PAQR5: variants seen among roughly 807,000 people sequenced by gnomAD.
PAQR5 encodes the protein membrane progestin receptor gamma.
In PAQR5, 20 loss-of-function variants were observed where a neutral mutation model predicts 34.5. The observed-to-expected ratio is 0.58, with a 90% CI of 0.41 to 0.84. The LOEUF (loss-of-function observed/expected upper bound fraction) is 0.84. Among genes scored for constraint, PAQR5 ranks in the 40% least tolerant of loss-of-function variants. The probability of loss-of-function intolerance (pLI) is 0.00; values close to 1 mark genes in which losing one functional copy is unlikely to be tolerated. For synonymous variants in PAQR5, 131 were observed against 155.6 expected, an observed-to-expected ratio of 0.84 and a Z score of 1.18; for missense variants, 378 against 412.7, an observed-to-expected ratio of 0.92 and a Z score of 0.73.
chr15:69,387,377 C>T (rs2056141675), intron 5 of PAQR5, among the ~76,000 whole-genome samples: 2 of 152,232 alleles, frequency 1.3e-5, no homozygotes, highest in Admixed American at 1.3e-4. Flanking sequence ...GATTCCACCA[C>T]CCCTAACTGT....
At chr15:69,349,071 T>C in intron 2 of PAQR5, among the ~76,000 whole-genome samples, 1 of 151,668 alleles carries the variant, frequency 6.6e-6, no homozygotes, top group East Asian at 1.9e-4. Context: ...CCTGGGAGGG[T>C]GTTTTCAGGG....
At chr15:69,312,888 T>A (rs188504555) in intron 1 of PAQR5, among the ~76,000 whole-genome samples, 19 of 152,288 alleles carry the variant, frequency 1.2e-4, no homozygotes, top group Admixed American at 1.1e-3. Flanking sequence ...AATGCTGGCC[T>A]AGGTCACAGT....
intron 1 of PAQR5, among the ~76,000 whole-genome samples, chr15:69,332,293 T>G (rs772718368): frequency 1.3e-5 from 2 of 152,206 alleles, no homozygotes; most frequent in African/African-American, 2.4e-5. Context: ...CAAGCCAGCT[T>G]GGCAGGCTGG....
chr15:69,303,984 A>G (rs2053660566), intron 1 of PAQR5, among the ~76,000 whole-genome samples: 2 of 152,236 alleles, frequency 1.3e-5, no homozygotes, highest in Non-Finnish European at 2.9e-5. Context: ...AGCTGGGGGA[A>G]GGACTCCAGA....
At chr15:69,319,393 T>G (rs1219184299) in intron 1 of PAQR5, among the ~76,000 whole-genome samples, 1 of 151,042 alleles carries the variant, frequency 6.6e-6, no homozygotes, top group African/African-American at 2.4e-5. Context: ...TGTGAGTGTC[T>G]TGTCTCCCAA....
At chr15:69,336,558 A>G (rs2054519200) in intron 1 of PAQR5, among the ~76,000 whole-genome samples, 2 of 152,202 alleles carry the variant, frequency 1.3e-5, no homozygotes, top group South Asian at 4.1e-4. Context: ...TCGTGTCTTT[A>G]ACTGTGGCTA....
intron 1 of PAQR5, among the ~76,000 whole-genome samples, chr15:69,301,512 C>T (rs989596290): frequency 2.6e-5 from 4 of 152,166 alleles, no homozygotes; most frequent in Non-Finnish European, 4.4e-5. Flanking sequence ...TTCATTGTCT[C>T]CTCTCTCTCC....
intron 1 of PAQR5, among the ~76,000 whole-genome samples, chr15:69,328,047 C>T (rs1007680767): frequency 6.6e-6 from 1 of 152,052 alleles, no homozygotes; most frequent in African/African-American, 2.4e-5. Flanking sequence ...TCCCAAAGTG[C>T]TGGGATTACA....
At chr15:69,301,719 C>G (rs2053607998) in intron 1 of PAQR5, among the ~76,000 whole-genome samples, 2 of 152,018 alleles carry the variant, frequency 1.3e-5, no homozygotes, top group African/African-American at 2.4e-5. Flanking sequence ...AGCCTGGCCT[C>G]CCTGGTTGGC....
At chr15:69,311,467 C>T (rs2053832957) in intron 1 of PAQR5, among the ~76,000 whole-genome samples, 1 of 152,134 alleles carries the variant, frequency 6.6e-6, no homozygotes, top group Non-Finnish European at 1.5e-5. Context: ...ATTTGTTAGT[C>T]ACAGGGCAAG....
At chr15:69,359,869 A>G in intron 2 of PAQR5, 97 bp from the exon 3 acceptor site, 1 of 535,798 alleles carries the variant, frequency 1.9e-6, no homozygotes, top group Non-Finnish European at 3.4e-6. Context: ...CATCATGTGT[A>G]GCAAGTATAT....
chr15:69,309,484 A>G (rs946772948), intron 1 of PAQR5, among the ~76,000 whole-genome samples: 2 of 152,140 alleles, frequency 1.3e-5, no homozygotes, highest in Non-Finnish European at 2.9e-5. Context: ...GTTTTTCCAA[A>G]AATGTGTCAG....
chr15:69,359,571 C>T (rs28562786), intron 2 of PAQR5, among the ~76,000 whole-genome samples: 8,186 of 152,128 alleles, frequency 0.054, 736 homozygotes, highest in African/African-American at 0.19. Context: ...TGGATTTTCG[C>T]AGTGCTTTTC....
At chr15:69,310,127 A>G (rs899473845) in intron 1 of PAQR5, among the ~76,000 whole-genome samples, 11 of 152,192 alleles carry the variant, frequency 7.2e-5, no homozygotes, top group African/African-American at 2.7e-4. Flanking sequence ...TGGATGTCAC[A>G]TAACTTATTT....
At chr15:69,350,032 A>G (rs369396108) in intron 2 of PAQR5, among the ~76,000 whole-genome samples, 10 of 152,328 alleles carry the variant, frequency 6.6e-5, no homozygotes, top group African/African-American at 2.2e-4. Flanking sequence ...TACTCATCCT[A>G]AAGAGCTCTG....
At chr15:69,387,622 G>A (rs545626374) in intron 5 of PAQR5, among the ~76,000 whole-genome samples, 1 of 152,370 alleles carries the variant, frequency 6.6e-6, no homozygotes, top group South Asian at 2.1e-4. Context: ...GGTGAGGACA[G>A]TGAGGCACTG....
chr15:69,360,856 G>A (rs1275342207), intron 3 of PAQR5, among the ~76,000 whole-genome samples: 2 of 152,206 alleles, frequency 1.3e-5, no homozygotes, highest in Non-Finnish European at 2.9e-5. Flanking sequence ...GTGACAGAGT[G>A]GAGGAGAGTT....
rs925955348 is a variant in PAQR5 at position 69,385,420 on chromosome 15, G to T, written c.385+538G>T. Among the ~76,000 whole-genome samples the T allele has an allele frequency of 1.1e-4, 16 of 152,186 alleles. No individual in the cohort carries two copies. Among genetic ancestry groups the T allele is most frequent in the Non-Finnish European group, 1.2e-4 (8 of 68,042 alleles). On this transcript the variant is annotated intron_variant, in intron 5 of 8. Coordinates refer to ENST00000395407, the MANE Select transcript of PAQR5 (RefSeq NM_017705.4). This position sits in a 1 kb window ranked among gnomAD's most constrained non-coding sequence, Gnocchi z 4.7. The stretch of plus-strand genomic sequence containing the variant: ...TGTCATGCCAGGCAAGAAGAGGAGG[G>T]TGAGGTCATGAGCCTCGTATATCCA...
intron 2 of PAQR5, among the ~76,000 whole-genome samples, chr15:69,346,393 C>G (rs183035777): frequency 6.7e-6 from 1 of 149,694 alleles, no homozygotes; most frequent in Non-Finnish European, 1.5e-5. Context: ...GCAGCCTCCA[C>G]CTCCTGGGCC....
Sources: gnomAD v4.1 joint callset for allele counts (sites outside exome capture counted in the v4.1 genomes callset) on GRCh38, gnomAD v4.1.1 for gene constraint, Gnocchi (gnomAD v3.1) non-coding constraint, MANE v1.5 for transcripts, NCBI Gene and HGNC (gene_info 2026-07-23, HGNC 2026-07-21) for gene names.